MYLK: variants seen among roughly 807,000 people sequenced by gnomAD.
MYLK encodes myosin light chain kinase, also known as myosin light chain kinase, smooth muscle.
In MYLK, 106 loss-of-function variants were observed where a neutral mutation model predicts 203.4. The ratio of observed to expected loss-of-function variants is 0.52; its 90% CI spans 0.45 to 0.61. The LOEUF is 0.61. Ranked by LOEUF, MYLK falls within the 20% of genes least tolerant of loss-of-function variation. The pLI, the probability that MYLK is intolerant of heterozygous loss-of-function variation, is 0.00. For synonymous variants in MYLK, 867 were observed against 959.5 expected, an observed-to-expected ratio of 0.90 and a Z score of 1.78; for missense variants, 2,072 against 2,442.3, an observed-to-expected ratio of 0.85 and a Z score of 3.20.
chr3:123,661,774 G>C (rs1163881855), intron 23 of MYLK, among the ~76,000 whole-genome samples: 1 of 152,290 alleles, frequency 6.6e-6, no homozygotes, highest in Non-Finnish European at 1.5e-5. Context: ...TGGGGGTGGG[G>C]AGTGGATGCT....
intron 3 of MYLK, among the ~76,000 whole-genome samples, chr3:123,829,420 C>A (rs1218594410): frequency 6.6e-6 from 1 of 151,960 alleles, no homozygotes; most frequent in African/African-American, 2.4e-5. Context: ...AAAAGTAGAA[C>A]AGAGCATACT....
intron 3 of MYLK, among the ~76,000 whole-genome samples, chr3:123,794,812 A>G (rs891277166): frequency 6.6e-6 from 1 of 152,352 alleles, no homozygotes; most frequent in African/African-American, 2.4e-5. Flanking sequence ...TAAAAATAAT[A>G]AGTTATCATT....
intron 12 of MYLK, among the ~76,000 whole-genome samples, chr3:123,724,372 C>A (rs1177721357): frequency 6.6e-6 from 1 of 152,028 alleles, no homozygotes; most frequent in African/African-American, 2.4e-5. Flanking sequence ...TACTACCTGG[C>A]CCTTTATAGA....
chr3:123,790,803 T>C (rs1458316769), intron 4 of MYLK, among the ~76,000 whole-genome samples: 1 of 152,202 alleles, frequency 6.6e-6, no homozygotes, highest in African/African-American at 2.4e-5. Context: ...GATGGGACGG[T>C]CCCTGAACCT....
chr3:123,713,579 ATGTGTGTGTGTGTGTGTGTG>A (rs3085274), intron 13 of MYLK, among the ~76,000 whole-genome samples: 62 of 136,470 alleles, frequency 4.5e-4, no homozygotes, highest in South Asian at 2.3e-3. Context: ...GAGCAACACA[ATGTGTGTGTGTGTGTGTGTG>A]TGTGTGTGTG....
rs1200826170 is a variant in MYLK at position 123,640,229 on chromosome 3, G to C, written c.4837+58C>G. The C allele has an allele frequency of 2.0e-6, 3 of 1,508,052 alleles. No individual in the cohort carries two copies. The highest frequency in any genetic ancestry group is 2.8e-5 in the African/African-American group (2 of 72,482). 93.4% of individuals were successfully genotyped at this position (1,508,052 alleles called of 1,614,324 possible). A position where few individuals can be genotyped will look rare whatever the true frequency, so the allele number is the denominator to read the frequency against. Reference sequence around the variant, plus strand: ...ATGTTTCCTCTCACACTCAGTGTGAGAGGAAACGGCCAGTGCAATACACAC... The same window carrying C: ...ATGTTTCCTCTCACACTCAGTGTGACAGGAAACGGCCAGTGCAATACACAC... On this transcript the variant is annotated intron_variant, in intron 28 of 33. Coordinates refer to ENST00000360304, the MANE Select transcript of MYLK (RefSeq NM_053025.4). This position sits in a 1 kb window ranked among gnomAD's most constrained non-coding sequence, Gnocchi z 4.3.
chr3:123,651,752 G>A (rs968295138), intron 24 of MYLK, among the ~76,000 whole-genome samples: 1 of 152,194 alleles, frequency 6.6e-6, no homozygotes, highest in African/African-American at 2.4e-5. Context: ...GTGAGTCCAG[G>A]TAGACAGCCA....
At chr3:123,718,886 A>G (rs998768743) in intron 13 of MYLK, among the ~76,000 whole-genome samples, 7 of 152,194 alleles carry the variant, frequency 4.6e-5, no homozygotes, top group Non-Finnish European at 2.9e-5. Context: ...TCCCCAGAAC[A>G]ATGCCTGGCA....
At chr3:123,647,999 C>T (rs1332721079) in intron 26 of MYLK, among the ~76,000 whole-genome samples, 1 of 152,204 alleles carries the variant, frequency 6.6e-6, no homozygotes, top group African/African-American at 2.4e-5. Context: ...TTCCTTCCTT[C>T]CACTCCCTAC....
intron 3 of MYLK, among the ~76,000 whole-genome samples, chr3:123,810,549 C>G (rs982990267): frequency 3.3e-5 from 5 of 152,260 alleles, no homozygotes; most frequent in African/African-American, 1.2e-4. Context: ...TGTAAGCCAG[C>G]TCTAAGCCTG....
At chr3:123,784,577 G>A (rs11707609) in intron 4 of MYLK, among the ~76,000 whole-genome samples, 61,164 of 151,278 alleles carry the variant, frequency 0.4, 16,106 homozygotes, top group Non-Finnish European at 0.6. Flanking sequence ...CTCTACTTTC[G>A]GCTTGCCAAA....
At chr3:123,760,167 T>C (rs917074061) in intron 4 of MYLK, among the ~76,000 whole-genome samples, 7 of 151,766 alleles carry the variant, frequency 4.6e-5, no homozygotes, top group African/African-American at 1.7e-4. Flanking sequence ...TGGAGAAGTA[T>C]GTATGTATGT....
chr3:123,729,360 T>A (rs1454639667), intron 11 of MYLK, among the ~76,000 whole-genome samples: 2 of 152,156 alleles, frequency 1.3e-5, no homozygotes, highest in Non-Finnish European at 2.9e-5. Context: ...TGACAAATAA[T>A]CCAGCCTTTA....
At chr3:123,704,544 T>G (rs946140992) in intron 16 of MYLK, among the ~76,000 whole-genome samples, 8 of 152,150 alleles carry the variant, frequency 5.3e-5, no homozygotes, top group African/African-American at 1.7e-4. Context: ...TTACAAAGCC[T>G]TGGATCCTGT....
chr3:123,799,863 A>T (rs1275404449), intron 3 of MYLK: 1 of 152,418 alleles, frequency 6.6e-6, no homozygotes, highest in Non-Finnish European at 1.5e-5. Flanking sequence ...GGCAGCTCTC[A>T]CATGAGTCAG....
Position 123,701,079 on chromosome 3 carries a change from A to G in MYLK, c.2463-74T>C. 3 of 1,474,004 alleles carry G rather than the reference A, an allele frequency of 2.0e-6. No homozygotes were observed. The African/African-American group carries it at 4.2e-5, about 21-fold the overall frequency. The allele number at this position is 1,474,004 out of a possible 1,614,324, so 91.3% of individuals were successfully genotyped here. ...GGGTAAGAAAGAAACTTCAGGGGAG[A>G]GCAAATCCCTGAGGGTGGGAGGGTA... On this transcript the variant is annotated intron_variant, in intron 17 of 33. Coordinates refer to ENST00000360304, the MANE Select transcript of MYLK (RefSeq NM_053025.4).
intron 2 of MYLK, among the ~76,000 whole-genome samples, chr3:123,840,863 T>A (rs1261343562): frequency 6.6e-6 from 1 of 152,068 alleles, no homozygotes; most frequent in Non-Finnish European, 1.5e-5. Flanking sequence ...TCATTCATGG[T>A]TCTGGGCAAC....
chr3:123,855,034 T>G (rs997600705), intron 2 of MYLK, among the ~76,000 whole-genome samples: 7 of 152,188 alleles, frequency 4.6e-5, no homozygotes, highest in Non-Finnish European at 8.8e-5. Flanking sequence ...TGAAGAGAAA[T>G]AAAAAGCAGT....
chr3:123,864,996 T>C (rs1171640297), intron 2 of MYLK, among the ~76,000 whole-genome samples: 1 of 152,150 alleles, frequency 6.6e-6, no homozygotes, highest in Non-Finnish European at 1.5e-5. Context: ...CCTTGCTGGC[T>C]TTCCTGCAGT....
Sources: allele counts gnomAD v4.1 joint callset (sites outside exome capture counted in the v4.1 genomes callset), GRCh38; gene constraint gnomAD v4.1.1; non-coding constraint Gnocchi (gnomAD v3.1); transcripts MANE v1.5; gene names NCBI Gene and HGNC (gene_info 2026-07-23, HGNC 2026-07-21).